Variants in COG8 observed in about 807,000 individuals in gnomAD.
COG8 encodes the protein component of oligomeric golgi complex 8.
A neutral mutation model predicts 46.5 loss-of-function variants in COG8; 45 were observed. The ratio of observed to expected loss-of-function variants is 0.97; its 90% CI spans 0.76 to 1.24. COG8 has a LOEUF of 1.24. COG8 is among the 50% of genes most tolerant of loss of function. The pLI, the probability that COG8 is intolerant of heterozygous loss-of-function variation, is 0.00. For synonymous variants in COG8, 407 were observed against 347.8 expected (o/e 1.17, Z -1.90); for missense variants, 793 against 820.8 (o/e 0.97, Z 0.41).
chr16:69,332,601 T>G, intron 4 of COG8, 113 bp downstream of exon 4: 1 of 1,041,214 alleles, frequency 9.6e-7, no homozygotes, highest in Non-Finnish European at 1.5e-6. Flanking sequence ...ATGGAAATAT[T>G]CTAAAATTGG....
At chr16:69,330,786 C>T (rs1432380814) in intron 5 of COG8, 27 bp downstream of exon 5, 20 of 1,502,806 alleles carry the variant, frequency 1.3e-5, no homozygotes, top group East Asian at 9.9e-5. Context: ...GCAGTCCTGG[C>T]CACCCCGCGC....
rs770325229 is a variant in COG8 at position 69,339,408 on chromosome 16, A to G, written c.145T>C (p.Tyr49His). 3.0e-5 allele frequency: 47 copies of G among 1,584,078 alleles called. No individual in the cohort carries two copies. The highest frequency in any genetic ancestry group is 1.9e-4 in the Middle Eastern group (1 of 5,388). ...QWRERPDVGRYLRELSGSGLE... is the reference protein window; with the variant it reads ...QWRERPDVGRHLRELSGSGLE... ...CCCGAGCCGCTCAACTCCCGGAGGT[A>G]GCGGCCCACATCGGGCCGCTCGCGC... is the stretch of plus-strand genomic sequence containing the variant. Residue 49 changes from tyrosine (Y) to histidine (H), a missense_variant, in exon 1 of 6, where the codon TAC (tyrosine) becomes CAC (histidine). By Grantham distance (83) the Tyr-to-His change is moderately conservative (BLOSUM62 2). Coordinates refer to ENST00000306875, the MANE Select transcript of COG8 (RefSeq NM_032382.5).
intron 1 of COG8, among the ~76,000 whole-genome samples, chr16:69,338,739 C>T (rs1375062453): frequency 6.6e-6 from 1 of 152,208 alleles, no homozygotes; most frequent in Non-Finnish European, 1.5e-5. Flanking sequence ...CCTGTAATCC[C>T]AGCGCTTTGG....
intron 4 of COG8, among the ~76,000 whole-genome samples, chr16:69,332,080 G>A (rs545537056): frequency 6.6e-4 from 101 of 152,332 alleles, no homozygotes; most frequent in Non-Finnish European, 3.7e-4. Flanking sequence ...TAGGACGGGC[G>A]TGGTGGCTCA....
At chr16:69,329,257 G>A in intron 5 of COG8, 78 bp from the exon 6 acceptor site, 1 of 1,409,322 alleles carries the variant, frequency 7.1e-7, no homozygotes, top group Non-Finnish European at 9.2e-7. Flanking sequence ...CCTGCCCCCG[G>A]TCCTGGCTGT....
chr16:69,330,947 T>C lies in COG8; in HGVS notation c.1731A>G (p.Pro577=), dbSNP rs2011778595. The C allele has an allele frequency of 2.6e-6, 4 of 1,567,896 alleles. No homozygotes were observed. Among genetic ancestry groups the C allele is most frequent in the Non-Finnish European group, 1.7e-6 (2 of 1,157,020 alleles). Residue 577 remains proline (P), a synonymous_variant, in exon 5 of 6, where the codon CCA becomes CCG. Coordinates refer to ENST00000306875, the MANE Select transcript of COG8 (RefSeq NM_032382.5). ...GCTCCTCGGCGGGAGGCTCTGGTGCTGGAGCTGTGAGCTCGGGCCCCAGCG... is the reference window on the plus strand; with the variant it reads ...GCTCCTCGGCGGGAGGCTCTGGTGCCGGAGCTGTGAGCTCGGGCCCCAGCG... ...DQALGPELTA[P]APEPPAEEPR... is the part of the protein sequence containing the mutation.
At position 69,334,925 on chromosome 16, in the gene COG8, C is replaced by A. The variant is rs1201820982; in HGVS notation, c.1009G>T (p.Gly337Cys). Residue 337 changes from glycine to cysteine, a missense_variant, in exon 3 of 6, where the codon GGC (glycine) becomes TGC (cysteine). Transcript: ENST00000306875. ...AGAGAGTCCAGGTGGCCGCCTATGC[C>A]CCGGTAAAGGTCGGTCTCCAGCACC... is the stretch of plus-strand genomic sequence containing the variant. Reference protein sequence around the residue: ...LQVLETDLYRGIGGHLDSLLG... With the variant: ...LQVLETDLYRCIGGHLDSLLG... The A allele has an allele frequency of 5.0e-6, 8 of 1,614,044 alleles. No individual in the cohort carries two copies. The Admixed American group carries it at 1.3e-4, about 27-fold the overall frequency.
intron 5 of COG8, 59 bp from the exon 6 acceptor site, chr16:69,329,238 C>A: frequency 6.8e-7 from 1 of 1,466,960 alleles, no homozygotes; most frequent in South Asian, 1.4e-5. Context: ...CATCCTCAAC[C>A]TCCCTACCCC....
intron 4 of COG8, among the ~76,000 whole-genome samples, chr16:69,332,030 A>G (rs2011894289): frequency 6.6e-6 from 1 of 152,104 alleles, no homozygotes. Flanking sequence ...CTCCTACCAC[A>G]AAGGGACAAG....
intron 1 of COG8, among the ~76,000 whole-genome samples, chr16:69,338,752 G>A (rs2012350940): frequency 6.6e-6 from 1 of 152,238 alleles, no homozygotes; most frequent in African/African-American, 2.4e-5. Context: ...CGCTTTGGGA[G>A]GCCGAGGCGG....
chr16:69,334,217 C>G (rs2012055685), intron 3 of COG8, among the ~76,000 whole-genome samples: 1 of 152,186 alleles, frequency 6.6e-6, no homozygotes, highest in Non-Finnish European at 1.5e-5. Context: ...TCCTGACCCA[C>G]CAAAACTGGA....
chr16:69,335,360 CAGAG>C lies in COG8; in HGVS notation c.586-16_586-13del, dbSNP rs747648458. The C allele has an allele frequency of 5.5e-5, 86 of 1,575,886 alleles. No individual in the cohort carries two copies. The highest frequency in any genetic ancestry group is 6.5e-5 in the Non-Finnish European group (76 of 1,166,196). On this transcript the variant is annotated splice_polypyrimidine_tract_variant and intron_variant, in intron 2 of 5. Transcript: ENST00000306875. ...TCGTTCACGATGCCCTGACAATACA[CAGAG>C]AGAGTCACACTGCGCTGGGAAGGAT... is the stretch of plus-strand genomic sequence containing the variant.
chr16:69,332,795 C>A lies in COG8; in HGVS notation c.1501G>T (p.Val501Phe), dbSNP rs1268449208. The change falls in exon 4 of 6, where the codon GTC (valine) becomes TTC (phenylalanine). Residue 501 changes from valine to phenylalanine, a missense_variant. By Grantham distance (50) the Val-to-Phe change is conservative (BLOSUM62 -1). Transcript: ENST00000306875. ...TACGGAACAAGGTCTTCCAGGAAGACAGTGCAGAACTGGACAAAGAGCTCT... is the reference window on the plus strand; with the variant it reads ...TACGGAACAAGGTCTTCCAGGAAGAAAGTGCAGAACTGGACAAAGAGCTCT... ...EQELFVQFCT[V>F]FLEDLVPYLN... 6.2e-7 allele frequency: 1 copy of A among 1,614,172 alleles called. No individual in the cohort carries two copies. The highest frequency in any genetic ancestry group is 8.5e-7 in the Non-Finnish European group (1 of 1,180,016).
At chr16:69,332,258 G>C (rs745651599) in intron 4 of COG8, among the ~76,000 whole-genome samples, 1 of 152,092 alleles carries the variant, frequency 6.6e-6, no homozygotes, top group Non-Finnish European at 1.5e-5. Context: ...GCTGAGGCAG[G>C]AGAATTGCTT....
At position 69,334,556 on chromosome 16, in the gene COG8, C is replaced by T. The variant is rs373272565; in HGVS notation, c.1378G>A (p.Asp460Asn). ...RLCCPVALAQDVTGALEDALA... is the reference protein window; with the variant it reads ...RLCCPVALAQNVTGALEDALA... ...GCATCTTCCAAGGCCCCAGTCACAT[C>T]CTGCGCCAGGGCCACAGGGCAGCAG... Residue 460 changes from aspartate to asparagine, a missense_variant, in exon 3 of 6, where the codon GAT becomes AAT. Transcript: ENST00000306875. 8 of 1,614,086 alleles carry T rather than the reference C, an allele frequency of 5.0e-6. No homozygotes were observed. The highest frequency in any genetic ancestry group is 4.0e-5 in the African/African-American group (3 of 74,924).
intron 3 of COG8, among the ~76,000 whole-genome samples, chr16:69,333,421 G>A (rs919072030): frequency 6.6e-6 from 1 of 152,092 alleles, no homozygotes; most frequent in African/African-American, 2.4e-5. Context: ...TCCTACCTCA[G>A]CCTCCCAAAG....
intron 5 of COG8, 182 bp downstream of exon 5, chr16:69,330,631 G>C (rs2011740441): frequency 1.4e-6 from 2 of 1,406,390 alleles, no homozygotes; most frequent in Non-Finnish European, 9.2e-7. Flanking sequence ...GGCACGCCGG[G>C]AAGCGCCGTC....
chr16:69,330,551 G>T (rs948841620), intron 5 of COG8: 2 of 1,469,284 alleles, frequency 1.4e-6, no homozygotes, highest in East Asian at 2.9e-5. Flanking sequence ...AAGACTCAGC[G>T]CGCCCCACAG....
chr16:69,339,102 T>TGTTAGTTATTTCTACCATC, intron 1 of COG8, 74 bp downstream of exon 1: 1 of 1,601,068 alleles, frequency 6.2e-7, no homozygotes, highest in South Asian at 1.1e-5. Context: ...ACGCTTTATG[T>TGTTAGTTATTTCTACCATC]GTTAGTTATT....
Sources: allele counts gnomAD v4.1 joint callset (sites outside exome capture counted in the v4.1 genomes callset), GRCh38; gene constraint gnomAD v4.1.1; transcripts MANE v1.5; gene names NCBI Gene and HGNC (gene_info 2026-07-23, HGNC 2026-07-21).